The following GTF3C1 variants were observed in gnomAD, a reference collection of about 807,000 sequenced individuals.
GTF3C1 encodes general transcription factor IIIC subunit 1.
Under a neutral mutation model 226.7 loss-of-function variants are expected in GTF3C1, and 57 were observed. That is an observed-to-expected ratio of 0.25 (90% CI 0.20 to 0.31). The LOEUF is 0.31. Ranked by LOEUF, GTF3C1 falls within the 10% of genes least tolerant of loss-of-function variation. The pLI, the probability that GTF3C1 is intolerant of heterozygous loss-of-function variation, is 1.00. For synonymous variants in GTF3C1, 1,090 were observed against 1,084.8 expected, an observed-to-expected ratio of 1.00 and a Z score of -0.09; for missense variants, 2,217 against 2,776.1, an observed-to-expected ratio of 0.80 and a Z score of 4.53.
chr16:27,498,536 G>A (rs1039931040), intron 13 of GTF3C1, 94 bp downstream of exon 13: 1 of 764,548 alleles, frequency 1.3e-6, no homozygotes, highest in South Asian at 1.4e-5. Context: ...ACTGATCCAT[G>A]CAGGTATAAA....
At position 27,528,637 on chromosome 16, in the gene GTF3C1, C is replaced by G; in HGVS notation, c.934G>C (p.Glu312Gln). 1 of 1,611,578 alleles carries G rather than the reference C, an allele frequency of 6.2e-7. No individual in the cohort carries two copies. The highest frequency in any genetic ancestry group is 8.5e-7 in the Non-Finnish European group (1 of 1,177,642). The change falls in exon 6 of 37, where the codon GAG (glutamate) becomes CAG (glutamine). Residue 312 changes from glutamate to glutamine, a missense_variant. By Grantham distance (29) the Glu-to-Gln change is conservative. Transcript: ENST00000356183. ...LAKVVSLRLQEIHPECGPCKT... is the reference protein window; with the variant it reads ...LAKVVSLRLQQIHPECGPCKT... ...CAAGGTCCACATTCAGGGTGGATCTCTTGCAAGCGAAGAGACACCACCTTG... is the reference window on the plus strand; with the variant it reads ...CAAGGTCCACATTCAGGGTGGATCTGTTGCAAGCGAAGAGACACCACCTTG...
chr16:27,537,964 GGT>G, intron 3 of GTF3C1, 37 bp from the exon 4 acceptor site: 2 of 1,605,520 alleles, frequency 1.2e-6, no homozygotes, highest in Non-Finnish European at 1.7e-6. Context: ...TTGCTTTGCT[GGT>G]AGTTTTATCA....
At position 27,488,326 on chromosome 16, in the gene GTF3C1, G is replaced by A. The variant is rs774237226; in HGVS notation, c.3601C>T (p.Pro1201Ser). The change falls in exon 23 of 37, where the codon CCC becomes TCC. Residue 1201 changes from proline (P) to serine (S), a missense_variant. This residue lies in a region of GTF3C1 where 546 missense variants were observed against 663.0 expected (regional missense o/e 0.82). Coordinates refer to ENST00000356183, the MANE Select transcript of GTF3C1 (RefSeq NM_001520.4). ...ACTCTCCGGTTTCGGTCCAGCGAGGGCTCTCGGTCCACCTCAAACTGCTCT... is the reference window on the plus strand; with the variant it reads ...ACTCTCCGGTTTCGGTCCAGCGAGGACTCTCGGTCCACCTCAAACTGCTCT... ...WEEQFEVDRE[P>S]SLDRNRRVRG... is the part of the protein sequence containing the mutation. 1 of 1,613,978 alleles carries A rather than the reference G, an allele frequency of 6.2e-7. No homozygotes were observed.
rs376559596 is a variant in GTF3C1 at position 27,508,666 on chromosome 16, C to T, written c.1127-11G>A. On this transcript the variant is annotated splice_polypyrimidine_tract_variant and intron_variant, in intron 7 of 36. Coordinates refer to ENST00000356183, the MANE Select transcript of GTF3C1 (RefSeq NM_001520.4). ...TGCCTCTGCGCTCAACTGTGAGAAA[C>T]AATACACGTGAACCCAAACCGCTGC... 2.9e-5 allele frequency: 47 copies of T among 1,601,730 alleles called. No individual in the cohort carries two copies. In the Middle Eastern group the frequency reaches 8.3e-4, roughly 28 times the overall value.
At chr16:27,480,939 G>T in intron 27 of GTF3C1, 140 bp downstream of exon 27, 1 of 659,356 alleles carries the variant, frequency 1.5e-6, no homozygotes, top group Non-Finnish European at 2.7e-6. Context: ...CATGAGAGGA[G>T]AGACAGGAGG....
At position 27,549,910 on chromosome 16, in the gene GTF3C1, G is replaced by A. The variant is rs753311455; in HGVS notation, c.-20C>T. On this transcript the variant is annotated 5_prime_UTR_variant, in exon 1 of 37. Transcript: ENST00000356183. ...GTCCATTGCTACTTCAGTCGGCGGC[G>A]CCCGGGGCGCATGCGCAACGCACCG... is the stretch of plus-strand genomic sequence containing the variant. 8.8e-6 allele frequency: 14 copies of A among 1,594,558 alleles called. No individual in the cohort carries two copies. The highest frequency in any genetic ancestry group is 3.3e-4 in the Middle Eastern group (2 of 6,030).
intron 34 of GTF3C1, chr16:27,464,052 C>G: frequency 2.2e-6 from 1 of 447,540 alleles, no homozygotes; most frequent in African/African-American, 2.0e-5. Context: ...GCAGCCGCTG[C>G]AGTGCACACG....
chr16:27,479,051 T>G (rs2087997817), intron 27 of GTF3C1, among the ~76,000 whole-genome samples: 1 of 152,214 alleles, frequency 6.6e-6, no homozygotes, highest in Non-Finnish European at 1.5e-5. Context: ...TAAAACTGCA[T>G]GGTGACCACA....
chr16:27,511,900 C>A lies in GTF3C1; in HGVS notation c.975G>T (p.Gly325=), dbSNP rs921009987. 3 of 1,613,774 alleles carry A rather than the reference C, an allele frequency of 1.9e-6. No homozygotes were observed. The highest frequency in any genetic ancestry group is 2.5e-6 in the Non-Finnish European group (3 of 1,180,002). ...PECGPCKTKK[G]TDVMVRCLKL... is the part of the protein sequence containing the mutation. ...TGAGGCACCGAACCATGACGTCGGT[C>A]CCTGGCAACACAAGCACGGGTTTGC... is the stretch of plus-strand genomic sequence containing the variant. Residue 325 remains glycine, a splice_region_variant and synonymous_variant, in exon 7 of 37, where the codon GGG becomes GGT. Transcript: ENST00000356183.
chr16:27,480,366 G>A (rs1596621461), intron 27 of GTF3C1, among the ~76,000 whole-genome samples: 1 of 152,276 alleles, frequency 6.6e-6, no homozygotes, highest in African/African-American at 2.4e-5. Context: ...CCAGAATGTG[G>A]GCAAAGGATA....
At chr16:27,515,381 T>C (rs2088640982) in intron 6 of GTF3C1, among the ~76,000 whole-genome samples, 1 of 151,396 alleles carries the variant, frequency 6.6e-6, no homozygotes. Context: ...CCCAGGAGTT[T>C]GAGGTTGCAG....
In GTF3C1 at chr16:27,462,041, A is replaced by C; in HGVS notation, c.6117+253T>G. The C allele has an allele frequency of 2.0e-6, 1 of 508,462 alleles. No individual in the cohort carries two copies. The highest frequency in any genetic ancestry group is 3.5e-6 in the Non-Finnish European group (1 of 284,056). The allele number at this position is 508,462 out of a possible 1,614,324, so 31.5% of individuals were successfully genotyped here. A position where few individuals can be genotyped will look rare whatever the true frequency, so the allele number is the denominator to read the frequency against. On this transcript the variant is annotated intron_variant, in intron 36 of 36. Coordinates refer to ENST00000356183, the MANE Select transcript of GTF3C1 (RefSeq NM_001520.4). This position sits in a 1 kb window ranked among gnomAD's most constrained non-coding sequence, Gnocchi z 4.5. Reference sequence around the variant, plus strand: ...GGCCCGGCGGACTCATGAGTTAGTGACCCCTGGCACAGAGAAAGCATCAGA... The same window carrying C: ...GGCCCGGCGGACTCATGAGTTAGTGCCCCCTGGCACAGAGAAAGCATCAGA...
chr16:27,463,187 G>A lies in GTF3C1; in HGVS notation c.5924+354C>T. 1 of 308,196 alleles carries A rather than the reference G, an allele frequency of 3.2e-6. No individual in the cohort carries two copies. 19.1% of individuals were successfully genotyped at this position (308,196 alleles called of 1,614,324 possible). A position where few individuals can be genotyped will look rare whatever the true frequency, so the allele number is the denominator to read the frequency against. On this transcript the variant is annotated intron_variant, in intron 35 of 36. Coordinates refer to ENST00000356183, the MANE Select transcript of GTF3C1 (RefSeq NM_001520.4). The surrounding 1 kb of genome is among the most constrained non-coding windows in gnomAD (Gnocchi z 4.9). ...TCCCGGGGGCAGCTGGGCATTCAGGGCTTATCCCTCTGTGGACCCCTGGCT... is the reference window on the plus strand; with the variant it reads ...TCCCGGGGGCAGCTGGGCATTCAGGACTTATCCCTCTGTGGACCCCTGGCT...
rs772659964 is a variant in GTF3C1 at position 27,463,557 on chromosome 16, G to C, written c.5908C>G (p.Gln1970Glu). ...TESFGAANIS[Q>E]AARERDCESV... ...CACACCCACCTTTCCCGTGCTGCCT[G>C]GGAGATGTTGGCAGCTCCGAAACTC... is the stretch of plus-strand genomic sequence containing the variant. The change falls in exon 35 of 37, where the codon CAG (glutamine) becomes GAG (glutamate). Residue 1970 changes from glutamine to glutamate, a missense_variant. Physicochemically the swap from Gln to Glu is conservative, Grantham distance 29. This residue lies in a region of GTF3C1 where 153 missense variants were observed against 199.8 expected (regional missense o/e 0.77). Transcript: ENST00000356183. This position sits in a 1 kb window ranked among gnomAD's most constrained non-coding sequence, Gnocchi z 4.9. 1 of 1,599,394 alleles carries C rather than the reference G, an allele frequency of 6.3e-7. No individual in the cohort carries two copies. The highest frequency in any genetic ancestry group is 8.6e-7 in the Non-Finnish European group (1 of 1,166,682).
At chr16:27,509,245 T>A (rs2088535292) in intron 7 of GTF3C1, among the ~76,000 whole-genome samples, 1 of 152,210 alleles carries the variant, frequency 6.6e-6, no homozygotes, top group Admixed American at 6.5e-5. Context: ...TGTTGCTGTG[T>A]GTAGCTTGTC....
chr16:27,544,903 G>C (rs2089140647), intron 2 of GTF3C1, among the ~76,000 whole-genome samples: 1 of 152,160 alleles, frequency 6.6e-6, no homozygotes, highest in Non-Finnish European at 1.5e-5. Context: ...CAGACTCCAA[G>C]GTTGTGGGCC....
Position 27,462,522 on chromosome 16 carries a change from G to C in GTF3C1, c.5925-36C>G. ...AGGGCTTGACATCAGGGCTTGGTGG[G>C]GGCAGGAGGGCAGCTCGTCCAGACA... On this transcript the variant is annotated intron_variant, in intron 35 of 36. Transcript: ENST00000356183. This position sits in a 1 kb window ranked among gnomAD's most constrained non-coding sequence, Gnocchi z 4.5. 1.3e-6 allele frequency: 2 copies of C among 1,516,758 alleles called. No homozygotes were observed. Among genetic ancestry groups the C allele is most frequent in the South Asian group, 1.1e-5 (1 of 88,070 alleles). 94.0% of individuals were successfully genotyped at this position (1,516,758 alleles called of 1,614,324 possible).
At chr16:27,510,500 T>G (rs1596643711) in intron 7 of GTF3C1, among the ~76,000 whole-genome samples, 1 of 151,910 alleles carries the variant, frequency 6.6e-6, no homozygotes, top group Non-Finnish European at 1.5e-5. Context: ...GAGGCTGCAG[T>G]GAACTGAGAT....
At chr16:27,467,254 A>G (rs762091387) in intron 32 of GTF3C1, among the ~76,000 whole-genome samples, 4 of 152,246 alleles carry the variant, frequency 2.6e-5, no homozygotes, top group Non-Finnish European at 5.9e-5. Context: ...GTCATTTCCC[A>G]TCCCCAAATT....
Sources: gnomAD v4.1 joint callset for allele counts (sites outside exome capture counted in the v4.1 genomes callset) on GRCh38, gnomAD v4.1.1 for gene constraint, gnomAD v4.1.1 regional missense constraint, Gnocchi (gnomAD v3.1) non-coding constraint, MANE v1.5 for transcripts, NCBI Gene and HGNC (gene_info 2026-07-23, HGNC 2026-07-21) for gene names.